Variants in KYNU observed in about 807,000 individuals in gnomAD.
KYNU encodes the protein kynureninase, also known as L-kynurenine hydrolase.
KYNU carries 54 observed loss-of-function variants against 59.2 expected under a neutral mutation model. That is an observed-to-expected ratio of 0.91 (90% CI 0.73 to 1.14). KYNU has a LOEUF of 1.14. Ranked by LOEUF, KYNU falls within the 50% of genes most tolerant of loss-of-function variation. The pLI, the probability that KYNU is intolerant of heterozygous loss-of-function variation, is 0.00. For missense variants in KYNU, 567 were observed against 554.4 expected, an observed-to-expected ratio of 1.02 and a Z score of -0.23; for synonymous variants, 177 against 192.0, an observed-to-expected ratio of 0.92 and a Z score of 0.65.
intron 10 of KYNU, among the ~76,000 whole-genome samples, chr2:143,026,992 G>T (rs191482997): frequency 5.9e-5 from 9 of 152,302 alleles, no homozygotes; most frequent in African/African-American, 2.2e-4. Context: ...GCGGGGTGGG[G>T]CCATGAGTGG....
At chr2:142,917,425 T>C (rs1225648064) in intron 2 of KYNU, among the ~76,000 whole-genome samples, 1 of 151,980 alleles carries the variant, frequency 6.6e-6, no homozygotes, top group Non-Finnish European at 1.5e-5. Flanking sequence ...ATAAGGAGAT[T>C]ATCAGTAATG....
rs113443848 is a variant in KYNU at position 143,025,629 on chromosome 2, A to ATT, written c.903-3989_903-3988dup. On this transcript the variant is annotated intron_variant, in intron 10 of 13. Coordinates refer to ENST00000264170, the MANE Select transcript of KYNU (RefSeq NM_003937.3). ...GGGCACCTTGTTTTTACTTTAGATA[A>ATT]TTTTTTTTTTAAACTGGAACTTCAG... Among the ~76,000 whole-genome samples the ATT allele has an allele frequency of 3.5e-4, 53 of 150,768 alleles. No homozygotes were observed. The East Asian group carries it at 7.4e-3, about 21-fold the overall frequency.
At chr2:143,040,738 C>A (rs1687021248) in intron 13 of KYNU, 80 bp downstream of exon 13, 2 of 831,764 alleles carry the variant, frequency 2.4e-6, no homozygotes, top group African/African-American at 3.5e-5. Flanking sequence ...TTGGTTTATT[C>A]ATTGTTGCAT....
intron 2 of KYNU, among the ~76,000 whole-genome samples, chr2:142,886,674 G>A (rs1374839264): frequency 6.6e-6 from 1 of 152,194 alleles, no homozygotes; most frequent in Non-Finnish European, 1.5e-5. Flanking sequence ...GGAGTGAATT[G>A]TGAGGAAATA....
intron 8 of KYNU, among the ~76,000 whole-genome samples, chr2:142,977,485 G>T (rs979184813): frequency 6.6e-6 from 1 of 151,348 alleles, no homozygotes; most frequent in African/African-American, 2.4e-5. Flanking sequence ...TGCAGAAAAC[G>T]TAAGCTTTGG....
chr2:142,883,186 CTTTTTTT>C (rs70997528), intron 1 of KYNU, among the ~76,000 whole-genome samples: 73 of 72,024 alleles, frequency 1.0e-3, no homozygotes, highest in South Asian at 7.8e-3. Flanking sequence ...TCCCAAATTT[CTTTTTTT>C]TTTTTTTTTT....
chr2:142,961,199 A>AT (rs1343844179), intron 8 of KYNU, among the ~76,000 whole-genome samples: 1 of 151,922 alleles, frequency 6.6e-6, no homozygotes, highest in African/African-American at 2.4e-5. Flanking sequence ...TCTCAAAAAA[A>AT]AAAAAGCGAG....
At chr2:142,965,727 G>T (rs764267884) in intron 8 of KYNU, among the ~76,000 whole-genome samples, 6 of 152,156 alleles carry the variant, frequency 3.9e-5, no homozygotes, top group Non-Finnish European at 7.4e-5. Flanking sequence ...CTAAGAAAGA[G>T]CATGAGTAAG....
chr2:143,050,141 A>G lies in KYNU; in HGVS notation c.*7969A>G, dbSNP rs1188872614. 2.0e-5 allele frequency: 3 copies of G among 149,252 alleles called. No individual in the cohort carries two copies. Among genetic ancestry groups the G allele is most frequent in the Non-Finnish European group, 3.0e-5 (2 of 67,390 alleles). 9.2% of individuals were successfully genotyped at this position (149,252 alleles called of 1,614,324 possible). A position where few individuals can be genotyped will look rare whatever the true frequency, so the allele number is the denominator to read the frequency against. On this transcript the variant is annotated 3_prime_UTR_variant, in exon 14 of 14. Transcript: ENST00000264170. ...ATGATAATTAAATATATATTTAAAT[A>G]ATATAAATATAATAAATATTTGAAG...
chr2:142,940,772 C>A lies in KYNU; in HGVS notation c.373+13031C>A, dbSNP rs546134514. Among the ~76,000 whole-genome samples the A allele has an allele frequency of 3.9e-4, 59 of 152,298 alleles. 1 individual carries two copies. In the South Asian group the frequency reaches 0.012, roughly 32 times the overall value. On this transcript the variant is annotated intron_variant, in intron 4 of 13. Transcript: ENST00000264170. ...CACAAGACTGCCGCCACTTCAGATG[C>A]CAGTCAAAAATCCTAGAAACCACCC...
chr2:143,028,243 C>T (rs200370210), intron 10 of KYNU, among the ~76,000 whole-genome samples: 43 of 90,402 alleles, frequency 4.8e-4, no homozygotes, highest in Non-Finnish European at 5.5e-4. Context: ...ATTTTACATT[C>T]TTTTTTTTTT....
chr2:142,959,989 C>G (rs1276451811), intron 7 of KYNU, among the ~76,000 whole-genome samples: 1 of 152,030 alleles, frequency 6.6e-6, no homozygotes, highest in Non-Finnish European at 1.5e-5. Flanking sequence ...TGCAGTGGCA[C>G]TATTCTCGTG....
At chr2:142,989,531 G>A (rs1421542777) in intron 10 of KYNU, 2 of 975,946 alleles carry the variant, frequency 2.0e-6, no homozygotes, top group Admixed American at 6.2e-5. Flanking sequence ...AAATAATATC[G>A]AAATAACATT....
intron 4 of KYNU, among the ~76,000 whole-genome samples, chr2:142,950,802 C>T (rs1279831914): frequency 1.6e-4 from 25 of 152,320 alleles, no homozygotes; most frequent in Non-Finnish European, 4.4e-5. Flanking sequence ...TTCAGCCTAC[C>T]TCAGCTTTTG....
intron 8 of KYNU, among the ~76,000 whole-genome samples, chr2:142,973,923 T>C (rs1164562690): frequency 6.6e-6 from 1 of 152,150 alleles, no homozygotes; most frequent in African/African-American, 2.4e-5. Flanking sequence ...CGGGAGACAA[T>C]AGATTCACTA....
At chr2:142,929,464 G>T (rs948046592) in intron 4 of KYNU, among the ~76,000 whole-genome samples, 2 of 149,386 alleles carry the variant, frequency 1.3e-5, no homozygotes, top group Non-Finnish European at 3.0e-5. Context: ...ACCATGAAAA[G>T]AGCCAAATTC....
intron 10 of KYNU, among the ~76,000 whole-genome samples, chr2:142,990,921 A>G (rs1311833906): frequency 6.6e-6 from 1 of 151,880 alleles, no homozygotes; most frequent in East Asian, 1.9e-4. Flanking sequence ...GTGAAAAAGA[A>G]CCAGTTGAAA....
chr2:142,917,375 G>A (rs1682699744), intron 2 of KYNU, among the ~76,000 whole-genome samples: 1 of 152,004 alleles, frequency 6.6e-6, no homozygotes, highest in Non-Finnish European at 1.5e-5. Context: ...CATGAAAACT[G>A]TGGATATAAT....
At chr2:142,974,655 T>C (rs955081705) in intron 8 of KYNU, among the ~76,000 whole-genome samples, 1 of 152,228 alleles carries the variant, frequency 6.6e-6, no homozygotes, top group African/African-American at 2.4e-5. Flanking sequence ...GGAAGCCTTC[T>C]GGAACTTAAA....
Sources: gnomAD v4.1 joint callset for allele counts (sites outside exome capture counted in the v4.1 genomes callset) on GRCh38, gnomAD v4.1.1 for gene constraint, MANE v1.5 for transcripts, NCBI Gene and HGNC (gene_info 2026-07-23, HGNC 2026-07-21) for gene names.